CMKLR1: variants seen among roughly 807,000 people sequenced by gnomAD.
CMKLR1 encodes the protein chemerin-like receptor 1.
CMKLR1 carries 6 observed loss-of-function variants against 8.2 expected under a neutral mutation model. The ratio of observed to expected loss-of-function variants is 0.73; its 90% CI spans 0.40 to 1.44. The LOEUF is 1.44. Among genes scored for constraint, CMKLR1 ranks in the 40% most tolerant of loss-of-function variants. The pLI is 0.02. For missense variants in CMKLR1, 429 were observed against 478.0 expected, an observed-to-expected ratio of 0.90 and a Z score of 0.96; for synonymous variants, 178 against 181.2, an observed-to-expected ratio of 0.98 and a Z score of 0.14.
At position 108,291,717 on chromosome 12, in the gene CMKLR1, C is replaced by T. The variant is rs1319373685; in HGVS notation, c.*124G>A. The T allele has an allele frequency of 2.1e-6, 2 of 959,424 alleles. No individual in the cohort carries two copies. The highest frequency in any genetic ancestry group is 1.6e-5 in the African/African-American group (1 of 60,854). 59.4% of individuals were successfully genotyped at this position (959,424 alleles called of 1,614,324 possible). A position where few individuals can be genotyped will look rare whatever the true frequency, so the allele number is the denominator to read the frequency against. ...TAGATTCCCAGCATAAAACACTGTT[C>T]ATCCCATGCAAAATGCAGTGAAAAT... is the stretch of plus-strand genomic sequence containing the variant. On this transcript the variant is annotated 3_prime_UTR_variant, in exon 4 of 4. Transcript: ENST00000550402.
At chr12:108,297,884 G>A (rs926228205) in intron 2 of CMKLR1, among the ~76,000 whole-genome samples, 1 of 152,138 alleles carries the variant, frequency 6.6e-6, no homozygotes, top group Non-Finnish European at 1.5e-5. Context: ...TCCTCCTCAA[G>A]GCCTCTGCAG....
intron 3 of CMKLR1, 85 bp from the exon 4 acceptor site, chr12:108,293,044 C>T (rs1452657534): frequency 1.5e-6 from 2 of 1,294,848 alleles, no homozygotes; most frequent in South Asian, 1.5e-5. Context: ...AACAATGTTC[C>T]CCCTGACTCT....
At chr12:108,325,944 G>A (rs1179238763) in intron 2 of CMKLR1, among the ~76,000 whole-genome samples, 2 of 152,176 alleles carry the variant, frequency 1.3e-5, no homozygotes, top group Non-Finnish European at 2.9e-5. Context: ...ACATGTTGGG[G>A]TAACCACTCC....
intron 2 of CMKLR1, among the ~76,000 whole-genome samples, chr12:108,305,252 G>A (rs890160155): frequency 1.3e-5 from 2 of 152,190 alleles, no homozygotes; most frequent in Non-Finnish European, 2.9e-5. Flanking sequence ...GATCCACATA[G>A]ACCGTTCCAT....
At chr12:108,302,375 C>A (rs1296375741) in intron 2 of CMKLR1, among the ~76,000 whole-genome samples, 1 of 152,190 alleles carries the variant, frequency 6.6e-6, no homozygotes, top group Non-Finnish European at 1.5e-5. Flanking sequence ...AGGGAGGTGT[C>A]CATGTGCATC....
intron 2 of CMKLR1, among the ~76,000 whole-genome samples, chr12:108,328,388 G>A (rs534503554): frequency 1.5e-4 from 23 of 152,156 alleles, no homozygotes; most frequent in African/African-American, 4.6e-4. Flanking sequence ...CCCCAACTCC[G>A]GGCCACACGT....
chr12:108,328,985 T>C (rs577913195), intron 2 of CMKLR1, among the ~76,000 whole-genome samples: 3 of 152,302 alleles, frequency 2.0e-5, no homozygotes, highest in African/African-American at 7.2e-5. Context: ...GGACCCACCA[T>C]TCAATCAAGA....
At chr12:108,300,552 A>G (rs569829763) in intron 2 of CMKLR1, among the ~76,000 whole-genome samples, 1 of 152,214 alleles carries the variant, frequency 6.6e-6, no homozygotes, top group Admixed American at 6.5e-5. Flanking sequence ...TAACAGTGAC[A>G]TTGTTGATGC....
chr12:108,294,370 C>T (rs1891072971), intron 2 of CMKLR1, among the ~76,000 whole-genome samples: 1 of 152,200 alleles, frequency 6.6e-6, no homozygotes, highest in Admixed American at 6.5e-5. Context: ...AAACAAGCCC[C>T]ATAACAATCT....
At chr12:108,329,437 C>G (rs892003557) in intron 2 of CMKLR1, among the ~76,000 whole-genome samples, 1 of 152,214 alleles carries the variant, frequency 6.6e-6, no homozygotes, top group Non-Finnish European at 1.5e-5. Context: ...GAACCCAGCT[C>G]GAATATATGC....
At position 108,333,567 on chromosome 12, in the gene CMKLR1, T is replaced by C. The variant is rs568541966; in HGVS notation, c.-286-3360A>G. ...ACTGACCACGTGCTGTACTCAGTGC[T>C]TGATGGATATGGACTCATTTAATCT... On this transcript the variant is annotated intron_variant, in intron 1 of 3. Coordinates refer to ENST00000550402, the MANE Select transcript of CMKLR1 (RefSeq NM_001142343.2). Among the ~76,000 whole-genome samples, 22 of 152,316 alleles carry C rather than the reference T, an allele frequency of 1.4e-4. 1 individual carries two copies. Among genetic ancestry groups the C allele is most frequent in the Non-Finnish European group, 8.8e-5 (6 of 68,022 alleles).
rs1890873640 is a variant in CMKLR1 at position 108,288,815 on chromosome 12, C to T, written c.*3026G>A. 1 of 152,370 alleles carries T rather than the reference C, an allele frequency of 6.6e-6. No individual in the cohort carries two copies. Among genetic ancestry groups the T allele is most frequent in the African/African-American group, 2.4e-5 (1 of 41,440 alleles). 9.4% of individuals were successfully genotyped at this position (152,370 alleles called of 1,614,324 possible). A position where few individuals can be genotyped will look rare whatever the true frequency, so the allele number is the denominator to read the frequency against. ...TTCCTTGTCTTTTCCTTCTTCTTCTCCCCACCCTCTCCTTCCAAGGGCTGA... is the reference window on the plus strand; with the variant it reads ...TTCCTTGTCTTTTCCTTCTTCTTCTTCCCACCCTCTCCTTCCAAGGGCTGA... On this transcript the variant is annotated 3_prime_UTR_variant, in exon 4 of 4. Coordinates refer to ENST00000550402, the MANE Select transcript of CMKLR1 (RefSeq NM_001142343.2).
chr12:108,335,873 A>C (rs927412169), intron 1 of CMKLR1, among the ~76,000 whole-genome samples: 1 of 152,240 alleles, frequency 6.6e-6, no homozygotes, highest in African/African-American at 2.4e-5. Flanking sequence ...CATTTGTGGA[A>C]AGGATTCTGC....
chr12:108,292,468 G>T lies in CMKLR1; in HGVS notation c.495C>A (p.Val165=). 2.5e-6 allele frequency: 4 copies of T among 1,614,194 alleles called. No homozygotes were observed. Among genetic ancestry groups the T allele is most frequent in the Non-Finnish European group, 3.4e-6 (4 of 1,180,050 alleles). Reference sequence around the variant, plus strand: ...ATGGGGAACTCAAGAAGAAAGCCAGGACCCAGATGACCATGCAGGCCATGT... The same window carrying T: ...ATGGGGAACTCAAGAAGAAAGCCAGTACCCAGATGACCATGCAGGCCATGT... ...LAYMACMVIW[V]LAFFLSSPSL... is the part of the protein sequence containing the mutation. The change falls in exon 4 of 4, where the codon GTC becomes GTA. Residue 165 remains valine, a synonymous_variant. Transcript: ENST00000550402.
At chr12:108,300,025 T>C (rs751282780) in intron 2 of CMKLR1, among the ~76,000 whole-genome samples, 1 of 152,238 alleles carries the variant, frequency 6.6e-6, no homozygotes, top group East Asian at 1.9e-4. Context: ...TAACAAGTTA[T>C]CTGAGGACAA....
intron 2 of CMKLR1, among the ~76,000 whole-genome samples, chr12:108,310,733 G>A (rs1159315375): frequency 6.6e-6 from 1 of 152,158 alleles, no homozygotes; most frequent in Non-Finnish European, 1.5e-5. Context: ...GGGGCTGGGA[G>A]CCATCTTCCC....
In CMKLR1 at chr12:108,324,744, G is replaced by C. The variant is rs139794921; in HGVS notation, c.-74+5251C>G. The stretch of plus-strand genomic sequence containing the variant: ...GGTTTGGTTTTCCCTAAGGGAAAGA[G>C]ATCCTATTCCCTGAGGGCTGAGGGT... On this transcript the variant is annotated intron_variant, in intron 2 of 3. Transcript: ENST00000550402. 1.7e-3 allele frequency among the ~76,000 whole-genome samples: 258 copies of C among 152,290 alleles called. 4 individuals are homozygous for C. The highest frequency in any genetic ancestry group is 5.7e-3 in the African/African-American group (237 of 41,542).
chr12:108,332,436 G>A (rs553593689), intron 1 of CMKLR1, among the ~76,000 whole-genome samples: 3 of 152,300 alleles, frequency 2.0e-5, no homozygotes, highest in Admixed American at 1.3e-4. Flanking sequence ...TATTAATCCT[G>A]CATGTGTCTG....
chr12:108,298,561 T>C (rs1891191674), intron 2 of CMKLR1, among the ~76,000 whole-genome samples: 1 of 152,222 alleles, frequency 6.6e-6, no homozygotes, highest in Non-Finnish European at 1.5e-5. Flanking sequence ...GACACCCTCC[T>C]TGTTGCTCCA....
Sources: gnomAD v4.1 joint callset for allele counts (sites outside exome capture counted in the v4.1 genomes callset) on GRCh38, gnomAD v4.1.1 for gene constraint, MANE v1.5 for transcripts, NCBI Gene and HGNC (gene_info 2026-07-23, HGNC 2026-07-21) for gene names.